FHIT: variants seen among roughly 807,000 people sequenced by gnomAD.
FHIT encodes the protein fragile histidine triad diadenosine triphosphatase.
FHIT carries 19 observed loss-of-function variants against 17.9 expected under a neutral mutation model. The ratio of observed to expected loss-of-function variants is 1.06; its 90% CI spans 0.74 to 1.56. The LOEUF (loss-of-function observed/expected upper bound fraction) is 1.56, where lower values mean the gene tolerates loss of function less well. Among genes scored for constraint, FHIT ranks in the 40% most tolerant of loss-of-function variants. The pLI is 0.00. For missense variants in FHIT, 248 were observed against 189.2 expected (o/e 1.31, Z -1.82); for synonymous variants, 81 against 69.7 (o/e 1.16, Z -0.81).
At chr3:60,054,983 T>C (rs1702023963) in intron 5 of FHIT, among the ~76,000 whole-genome samples, 1 of 152,162 alleles carries the variant, frequency 6.6e-6, no homozygotes, top group Non-Finnish European at 1.5e-5. Flanking sequence ...CTGATCTGTG[T>C]GTGGGTTGCG....
chr3:61,134,854 G>A (rs1393027937), intron 2 of FHIT, among the ~76,000 whole-genome samples: 1 of 152,136 alleles, frequency 6.6e-6, no homozygotes, highest in African/African-American at 2.4e-5. Context: ...GAATCGCAAA[G>A]GCCGGAGCAC....
chr3:60,718,425 C>T (rs1553707294), intron 4 of FHIT, among the ~76,000 whole-genome samples: 1 of 152,144 alleles, frequency 6.6e-6, no homozygotes, highest in East Asian at 1.9e-4. Flanking sequence ...ACAACTCACC[C>T]CTTCCAGACA....
At chr3:60,186,533 G>A (rs1227114282) in intron 5 of FHIT, among the ~76,000 whole-genome samples, 1 of 152,140 alleles carries the variant, frequency 6.6e-6, no homozygotes. Flanking sequence ...CAGTGGCAGG[G>A]CAATGTCATC....
chr3:60,261,432 C>T (rs1490717186), intron 5 of FHIT, among the ~76,000 whole-genome samples: 1 of 151,984 alleles, frequency 6.6e-6, no homozygotes, highest in Non-Finnish European at 1.5e-5. Flanking sequence ...ATAATTATCA[C>T]ATTCATGAGT....
At chr3:60,281,263 C>T (rs1349240373) in intron 5 of FHIT, among the ~76,000 whole-genome samples, 3 of 152,104 alleles carry the variant, frequency 2.0e-5, no homozygotes, top group Non-Finnish European at 4.4e-5. Context: ...ATCGGTTCTT[C>T]CCAACTTGAT....
intron 1 of FHIT, among the ~76,000 whole-genome samples, chr3:61,204,543 A>G (rs1443920023): frequency 6.6e-6 from 1 of 152,234 alleles, no homozygotes; most frequent in Non-Finnish European, 1.5e-5. Context: ...AAAGGAAAAC[A>G]CGCTGAATAG....
chr3:59,765,984 T>A lies in FHIT; in HGVS notation c.349-13663A>T, dbSNP rs2034336. Among the ~76,000 whole-genome samples, 393 of 152,182 alleles carry A rather than the reference T, an allele frequency of 2.6e-3. 2 individuals carry two copies. Among genetic ancestry groups the A allele is most frequent in the African/African-American group, 9.0e-3 (373 of 41,498 alleles). On this transcript the variant is annotated intron_variant, in intron 8 of 9. Coordinates refer to ENST00000492590, the MANE Select transcript of FHIT (RefSeq NM_002012.4). ...AAAAATTCCCTAAAGACAATAAAAA[T>A]ATACACACTTTAGGAATCCATAGAG...
chr3:59,970,768 G>A (rs942102002), intron 7 of FHIT, among the ~76,000 whole-genome samples: 2 of 151,546 alleles, frequency 1.3e-5, no homozygotes, highest in Admixed American at 6.6e-5. Flanking sequence ...AAGCTGTCTC[G>A]TCCGGCACTA....
At chr3:60,084,065 C>CT (rs1049215467) in intron 5 of FHIT, among the ~76,000 whole-genome samples, 15 of 152,048 alleles carry the variant, frequency 9.9e-5, no homozygotes, top group East Asian at 1.9e-4. Flanking sequence ...AGCAATATCA[C>CT]TTTTTTTAAC....
chr3:60,503,808 A>T (rs2034618343), intron 5 of FHIT, among the ~76,000 whole-genome samples: 1 of 152,202 alleles, frequency 6.6e-6, no homozygotes, highest in African/African-American at 2.4e-5. Context: ...GAGAAGATGG[A>T]AGAAAACAAA....
chr3:60,312,668 C>A (rs111559664), intron 5 of FHIT, among the ~76,000 whole-genome samples: 5,546 of 152,174 alleles, frequency 0.036, 339 homozygotes, highest in African/African-American at 0.12. Flanking sequence ...CTCCTGCCAG[C>A]CTATCAACTA....
At chr3:60,293,614 T>C (rs1708082456) in intron 5 of FHIT, among the ~76,000 whole-genome samples, 1 of 151,836 alleles carries the variant, frequency 6.6e-6, no homozygotes, top group South Asian at 2.1e-4. Context: ...AAAATATGCC[T>C]GCTGGTTGGA....
At chr3:61,005,114 T>A (rs758591926) in intron 3 of FHIT, among the ~76,000 whole-genome samples, 1 of 152,154 alleles carries the variant, frequency 6.6e-6, no homozygotes, top group Non-Finnish European at 1.5e-5. Flanking sequence ...CTAGAAAGAA[T>A]GTGATAGGAA....
intron 8 of FHIT, among the ~76,000 whole-genome samples, chr3:59,815,835 A>G (rs1700579915): frequency 6.6e-6 from 1 of 152,176 alleles, no homozygotes; most frequent in South Asian, 2.1e-4. Flanking sequence ...AATCACCACT[A>G]AAGAACTTAT....
chr3:59,752,908 G>C (rs1166374807), intron 8 of FHIT, among the ~76,000 whole-genome samples: 1 of 152,156 alleles, frequency 6.6e-6, no homozygotes, highest in East Asian at 1.9e-4. Flanking sequence ...GTTCCTTATA[G>C]CACTGTAAGA....
chr3:59,870,874 CGTGT>C (rs56278897), intron 8 of FHIT, among the ~76,000 whole-genome samples: 5 of 149,870 alleles, frequency 3.3e-5, no homozygotes, highest in East Asian at 2.0e-4. Flanking sequence ...TGTGTGTGTG[CGTGT>C]GTGTGTGTGT....
chr3:60,934,018 T>A (rs546005118), intron 3 of FHIT, among the ~76,000 whole-genome samples: 7 of 152,168 alleles, frequency 4.6e-5, no homozygotes, highest in African/African-American at 1.4e-4. Context: ...TAATTTGAGG[T>A]TAATTAAATA....
chr3:60,464,771 C>T (rs1381563174), intron 5 of FHIT, among the ~76,000 whole-genome samples: 2 of 152,144 alleles, frequency 1.3e-5, no homozygotes, highest in Non-Finnish European at 2.9e-5. Context: ...GTTAGGGACA[C>T]TTAGGTTGCT....
At chr3:60,503,382 T>G (rs2034599357) in intron 5 of FHIT, among the ~76,000 whole-genome samples, 1 of 152,186 alleles carries the variant, frequency 6.6e-6, no homozygotes, top group South Asian at 2.1e-4. Context: ...TTTATTATCA[T>G]AACATTTACA....
Sources: gnomAD v4.1 joint callset for allele counts (sites outside exome capture counted in the v4.1 genomes callset) on GRCh38, gnomAD v4.1.1 for gene constraint, MANE v1.5 for transcripts, NCBI Gene and HGNC (gene_info 2026-07-23, HGNC 2026-07-21) for gene names.